Variants in PDCD11 observed in about 807,000 individuals in gnomAD.
The protein encoded by PDCD11 is programmed cell death 11, also known as protein RRP5 homolog.
PDCD11 carries 97 observed loss-of-function variants against 198.9 expected under a neutral mutation model. That is an observed-to-expected ratio of 0.49 (90% CI 0.41 to 0.58). The LOEUF is 0.58. Ranked by LOEUF, PDCD11 falls within the 20% of genes least tolerant of loss-of-function variation. The pLI is 0.00. For synonymous variants in PDCD11, 893 were observed against 918.0 expected, an observed-to-expected ratio of 0.97 and a Z score of 0.49; for missense variants, 2,102 against 2,312.7, an observed-to-expected ratio of 0.91 and a Z score of 1.87.
chr10:103,429,268 G>A (rs542396145), intron 21 of PDCD11, among the ~76,000 whole-genome samples: 2 of 152,282 alleles, frequency 1.3e-5, no homozygotes, highest in Non-Finnish European at 2.9e-5. Flanking sequence ...TGGCATTCCT[G>A]TTAGCCAGTG....
chr10:103,418,785 A>C, intron 15 of PDCD11, 151 bp downstream of exon 15: 1 of 680,376 alleles, frequency 1.5e-6, no homozygotes. Context: ...GGAAAGTAAG[A>C]GCAGGCCTGA....
At chr10:103,422,018 T>C (rs913824915) in intron 17 of PDCD11, among the ~76,000 whole-genome samples, 5 of 148,180 alleles carry the variant, frequency 3.4e-5, no homozygotes, top group African/African-American at 1.2e-4. Context: ...GTTAACTTTT[T>C]TTTTAATGGA....
intron 14 of PDCD11, 28 bp from the exon 15 acceptor site, chr10:103,418,412 T>C: frequency 6.3e-7 from 1 of 1,580,194 alleles, no homozygotes; most frequent in Non-Finnish European, 8.7e-7. Flanking sequence ...TGACAAGTGC[T>C]ATTTTTGTCT....
intron 35 of PDCD11, 48 bp from the exon 36 acceptor site, chr10:103,445,330 C>T (rs774542150): frequency 2.3e-5 from 37 of 1,594,780 alleles, no homozygotes; most frequent in African/African-American, 2.7e-5. Flanking sequence ...GCAGGAAGCA[C>T]GTGACCTGGG....
intron 20 of PDCD11, 139 bp from the exon 21 acceptor site, chr10:103,427,190 C>T: frequency 1.4e-6 from 1 of 738,540 alleles, no homozygotes; most frequent in Non-Finnish European, 2.4e-6. Context: ...CCTGACACAT[C>T]TGTCTTCAGT....
At chr10:103,427,982 G>A (rs2031769654) in intron 21 of PDCD11, among the ~76,000 whole-genome samples, 1 of 152,130 alleles carries the variant, frequency 6.6e-6, no homozygotes, top group South Asian at 2.1e-4. Context: ...AAATCTTAAT[G>A]CACCTAGAGA....
chr10:103,421,652 G>A (rs2031435494), intron 17 of PDCD11, 85 bp downstream of exon 17: 1 of 1,174,572 alleles, frequency 8.5e-7, no homozygotes, highest in Admixed American at 2.1e-5. Flanking sequence ...GAGTTGTTGG[G>A]CTTCCCAGAA....
At chr10:103,414,113 G>A in intron 10 of PDCD11, 23 bp downstream of exon 10, 6 of 1,603,876 alleles carry the variant, frequency 3.7e-6, no homozygotes, top group Non-Finnish European at 4.3e-6. Flanking sequence ...TTAACAGGTA[G>A]GGGTGTAGAG....
rs773904797 is a variant in PDCD11 at position 103,443,185 on chromosome 10, A to G, written c.4976A>G (p.Asn1659Ser). The G allele has an allele frequency of 1.3e-6, 2 of 1,597,468 alleles. No homozygotes were observed. Among genetic ancestry groups the G allele is most frequent in the Non-Finnish European group, 8.6e-7 (1 of 1,168,742 alleles). ...ISFREEQEKL[N>S]VWVALLNLEN... ...TCCAGAGAGGAGCAGGAGAAGCTGA[A>G]CGTGTGGGTGGCTCTGCTGAACCTG... Residue 1659 changes from asparagine (N) to serine (S), a missense_variant, in exon 33 of 36, where the codon AAC (asparagine) becomes AGC (serine). By Grantham distance (46) the Asn-to-Ser change is conservative. Coordinates refer to ENST00000369797, the MANE Select transcript of PDCD11 (RefSeq NM_014976.2).
intron 19 of PDCD11, among the ~76,000 whole-genome samples, chr10:103,424,322 C>T (rs1341496127): frequency 6.6e-6 from 1 of 152,172 alleles, no homozygotes; most frequent in Non-Finnish European, 1.5e-5. Flanking sequence ...CACCTAGTTG[C>T]ACAGAGTATG....
At chr10:103,421,166 TC>T (rs1486874980) in intron 16 of PDCD11, among the ~76,000 whole-genome samples, 181 bp from the exon 17 acceptor site, 1 of 152,020 alleles carries the variant, frequency 6.6e-6, no homozygotes, top group Non-Finnish European at 1.5e-5. Flanking sequence ...GAGCCACTGC[TC>T]CCAGCCAATC....
At chr10:103,401,070 T>G (rs2030016635) in intron 3 of PDCD11, among the ~76,000 whole-genome samples, 1 of 152,172 alleles carries the variant, frequency 6.6e-6, no homozygotes. Flanking sequence ...CTTTTTTTCC[T>G]TTAAAGCTGT....
intron 2 of PDCD11, chr10:103,399,978 A>G (rs2029905871): frequency 6.5e-6 from 1 of 153,034 alleles, no homozygotes; most frequent in African/African-American, 2.4e-5. Context: ...GGTGTGAGCC[A>G]CTGTGCCTGG....
In PDCD11 at chr10:103,425,556, G is replaced by A. The variant is rs780344562; in HGVS notation, c.3305+31G>A. 38 of 1,575,380 alleles carry A rather than the reference G, an allele frequency of 2.4e-5. No individual in the cohort carries two copies. In the East Asian group the frequency reaches 5.4e-4, roughly 22 times the overall value. On this transcript the variant is annotated intron_variant, in intron 20 of 35. Coordinates refer to ENST00000369797, the MANE Select transcript of PDCD11 (RefSeq NM_014976.2). ...GAGGCTCTGGGGGTGGGCTGGCTTC[G>A]AGGGAGATTGTTGTTGTTGTGGGAG...
intron 3 of PDCD11, 65 bp downstream of exon 3, chr10:103,400,593 T>A: frequency 6.7e-7 from 1 of 1,488,630 alleles, no homozygotes; most frequent in South Asian, 1.2e-5. Context: ...GTATGTTCTT[T>A]TTTTCTTCTT....
chr10:103,421,973 CAAAAAAAAAA>C (rs964087668), intron 17 of PDCD11, among the ~76,000 whole-genome samples: 3 of 26,184 alleles, frequency 1.1e-4, no homozygotes, highest in East Asian at 1.3e-3. Context: ...GACTCCGTCT[CAAAAAAAAAA>C]AAAAAAAAAG....
chr10:103,442,073 G>T lies in PDCD11; in HGVS notation c.4707+98G>T, dbSNP rs190965896. 7.7e-3 allele frequency: 12,046 copies of T among 1,558,996 alleles called. 83 individuals are homozygous for T. The highest frequency in any genetic ancestry group is 0.015 in the South Asian group (1,261 of 85,724). On this transcript the variant is annotated intron_variant, in intron 31 of 35. Coordinates refer to ENST00000369797, the MANE Select transcript of PDCD11 (RefSeq NM_014976.2). ...ACTGGGTGTCTTCCTGGGTGAGTGG[G>T]GGAGGGGGCAGCGGCCAGTCCCAGG...
intron 21 of PDCD11, among the ~76,000 whole-genome samples, chr10:103,427,749 G>A (rs1375885697): frequency 6.6e-6 from 1 of 152,108 alleles, no homozygotes; most frequent in Non-Finnish European, 1.5e-5. Flanking sequence ...CAACCTAGAC[G>A]ACTGTGTGGT....
At position 103,416,558 on chromosome 10, in the gene PDCD11, A is replaced by G. The variant is rs746915960; in HGVS notation, c.1586A>G (p.Lys529Arg). The change falls in exon 13 of 36, where the codon AAA (lysine) becomes AGA (arginine). Residue 529 changes from lysine to arginine, a missense_variant. Lys to Arg is a conservative substitution (Grantham distance 26, BLOSUM62 2). Transcript: ENST00000369797. ...MTLKKTLIESKLPVITCYADA... is the reference protein window; with the variant it reads ...MTLKKTLIESRLPVITCYADA... ...CTGAAAAAAACCCTGATTGAGTCCAAACTACCTGTCATTACCTGCTATGCC... is the reference window on the plus strand; with the variant it reads ...CTGAAAAAAACCCTGATTGAGTCCAGACTACCTGTCATTACCTGCTATGCC... 4 of 1,614,034 alleles carry G rather than the reference A, an allele frequency of 2.5e-6. No individual in the cohort carries two copies.
Sources: allele counts gnomAD v4.1 joint callset (sites outside exome capture counted in the v4.1 genomes callset), GRCh38; gene constraint gnomAD v4.1.1; transcripts MANE v1.5; gene names NCBI Gene and HGNC (gene_info 2026-07-23, HGNC 2026-07-21).